Variants in RYR2 observed in about 807,000 individuals in gnomAD.
The protein encoded by RYR2 is ryanodine receptor 2.
Under a neutral mutation model 601.1 loss-of-function variants are expected in RYR2, and 227 were observed. The observed-to-expected ratio is 0.38, with a 90% CI of 0.34 to 0.42. The LOEUF is 0.42. Among genes scored for constraint, RYR2 ranks in the 10% least tolerant of loss-of-function variants. The pLI is 1.00. For missense variants in RYR2, 4,646 were observed against 6,156.5 expected, an observed-to-expected ratio of 0.75 and a Z score of 8.21; for synonymous variants, 2,223 against 2,175.1, an observed-to-expected ratio of 1.02 and a Z score of -0.61.
intron 1 of RYR2, among the ~76,000 whole-genome samples, chr1:237,269,773 G>T (rs561735654): frequency 6.6e-6 from 1 of 152,252 alleles, no homozygotes; most frequent in South Asian, 2.1e-4. Flanking sequence ...TCCAGATCTT[G>T]CTTGTCCTAA....
intron 29 of RYR2, among the ~76,000 whole-genome samples, chr1:237,577,330 A>G (rs1476287899): frequency 1.3e-5 from 2 of 152,200 alleles, no homozygotes; most frequent in Non-Finnish European, 2.9e-5. Flanking sequence ...ATGTTGATTG[A>G]TGGCCTACTC....
chr1:237,780,345 C>T (rs1241964857), intron 88 of RYR2, among the ~76,000 whole-genome samples: 2 of 152,138 alleles, frequency 1.3e-5, no homozygotes, highest in African/African-American at 4.8e-5. Flanking sequence ...TGTAGACCCT[C>T]ACAAGAGAGT....
Position 237,793,907 on chromosome 1 carries a change from G to A in RYR2, c.13823G>A (p.Arg4608Gln), listed in dbSNP as rs1553328170. 6.2e-7 allele frequency: 1 copy of A among 1,611,096 alleles called. No individual in the cohort carries two copies. The highest frequency in any genetic ancestry group is 8.5e-7 in the Non-Finnish European group (1 of 1,177,476). Reference sequence around the variant, plus strand: ...TTTAAGCGAGAAAAGGAAGTGGCACGGAAATTGGAATTTGATGGGCTTTAT... The same window carrying A: ...TTTAAGCGAGAAAAGGAAGTGGCACAGAAATTGGAATTTGATGGGCTTTAT... ...VIFKREKEVA[R>Q]KLEFDGLYIT... Residue 4608 changes from arginine to glutamine, a missense_variant, in exon 95 of 105, where the codon CGG (arginine) becomes CAG (glutamine). Arg to Gln is a conservative substitution (Grantham distance 43). Around this residue, in one of 17 missense-constraint regions of RYR2, gnomAD observed 37 missense variants for 102.8 expected, o/e 0.36. Coordinates refer to ENST00000366574, the MANE Select transcript of RYR2 (RefSeq NM_001035.3).
intron 29 of RYR2, among the ~76,000 whole-genome samples, chr1:237,571,778 G>C (rs1453778356): frequency 1.3e-5 from 2 of 152,112 alleles, no homozygotes; most frequent in African/African-American, 4.8e-5. Flanking sequence ...TTACATTTGT[G>C]TAACTCAATA....
rs1393918985 is a variant in RYR2 at position 237,441,581 on chromosome 1, A to G, written c.1170+98A>G. 4 of 1,171,630 alleles carry G rather than the reference A, an allele frequency of 3.4e-6. No individual in the cohort carries two copies. The Admixed American group carries it at 1.1e-4, about 33-fold the overall frequency. The allele number at this position is 1,171,630 out of a possible 1,614,324, so 72.6% of individuals were successfully genotyped here. On this transcript the variant is annotated intron_variant, in intron 13 of 104. Transcript: ENST00000366574. ...TTGGCTGATCTTTTTAGTCACCTGC[A>G]AAAGTTCATAATTTTGCAAGTGAAA...
At chr1:237,458,197 G>A (rs1412720421) in intron 16 of RYR2, among the ~76,000 whole-genome samples, 3 of 152,134 alleles carry the variant, frequency 2.0e-5, no homozygotes, top group Non-Finnish European at 2.9e-5. Context: ...GGAGGCTGAG[G>A]CAGCCAGATT....
chr1:237,452,684 A>G lies in RYR2; in HGVS notation c.1293-1707A>G, dbSNP rs1036842760. On this transcript the variant is annotated intron_variant, in intron 14 of 104. Coordinates refer to ENST00000366574, the MANE Select transcript of RYR2 (RefSeq NM_001035.3). ...AATAATATAGTTTAATCTTTAAATT[A>G]CAAAATGTAGCCACAAGGTTAATAG... is the stretch of plus-strand genomic sequence containing the variant. Among the ~76,000 whole-genome samples, 6 of 150,906 alleles carry G rather than the reference A, an allele frequency of 4.0e-5. No individual in the cohort carries two copies. The East Asian group carries it at 1.2e-3, about 29-fold the overall frequency.
At chr1:237,602,533 T>A (rs1471896583) in intron 35 of RYR2, among the ~76,000 whole-genome samples, 3 of 152,206 alleles carry the variant, frequency 2.0e-5, no homozygotes, top group Non-Finnish European at 4.4e-5. Flanking sequence ...AGAGGTAACA[T>A]TTAGTTTGAT....
chr1:237,413,556 C>T (rs1704647413), intron 10 of RYR2, among the ~76,000 whole-genome samples: 1 of 152,044 alleles, frequency 6.6e-6, no homozygotes, highest in Non-Finnish European at 1.5e-5. Flanking sequence ...ATGTTTTGAA[C>T]TTAATTTCTG....
chr1:237,135,849 C>T (rs898635776), intron 1 of RYR2, among the ~76,000 whole-genome samples: 1 of 152,118 alleles, frequency 6.6e-6, no homozygotes, highest in Non-Finnish European at 1.5e-5. Flanking sequence ...TTTGAGTGGA[C>T]GATGTGAAGC....
chr1:237,242,010 C>A lies in RYR2; in HGVS notation c.49-28487C>A, dbSNP rs543962151. Among the ~76,000 whole-genome samples, 78 of 152,182 alleles carry A rather than the reference C, an allele frequency of 5.1e-4. 1 individual carries two copies. Among genetic ancestry groups the A allele is most frequent in the African/African-American group, 1.7e-3 (71 of 41,518 alleles). ...CTGTGTCTTGGGAAACTAGTCCTAC[C>A]TCAATAAATAGTTGAAAAGGTGGAT... is the stretch of plus-strand genomic sequence containing the variant. On this transcript the variant is annotated intron_variant, in intron 1 of 104. Transcript: ENST00000366574.
Position 237,330,888 on chromosome 1 carries a change from C to G in RYR2, c.179C>G (p.Pro60Arg). 1 of 1,613,906 alleles carries G rather than the reference C, an allele frequency of 6.2e-7. No homozygotes were observed. Among genetic ancestry groups the G allele is most frequent in the Non-Finnish European group, 8.5e-7 (1 of 1,179,818 alleles). Residue 60 changes from proline (P) to arginine (R), a missense_variant, in exon 3 of 105, where the codon CCA (proline) becomes CGA (arginine). This residue lies in a region of RYR2 where 153 missense variants were observed against 203.6 expected (regional missense o/e 0.75). Transcript: ENST00000366574. ...ESTSNSKNVPPDLSICTFVLE... is the reference protein window; with the variant it reads ...ESTSNSKNVPRDLSICTFVLE... ...CCTCTTTCTGTGCAGAATGTGCCCCCAGACCTCTCCATCTGCACCTTTGTG... is the reference window on the plus strand; with the variant it reads ...CCTCTTTCTGTGCAGAATGTGCCCCGAGACCTCTCCATCTGCACCTTTGTG...
chr1:237,217,139 G>A (rs1002038091), intron 1 of RYR2, among the ~76,000 whole-genome samples: 48 of 152,110 alleles, frequency 3.2e-4, no homozygotes, highest in Admixed American at 7.9e-4. Flanking sequence ...TTTCTGATGG[G>A]GACCTCGACT....
chr1:237,232,018 T>G (rs1685049414), intron 1 of RYR2, among the ~76,000 whole-genome samples: 1 of 152,236 alleles, frequency 6.6e-6, no homozygotes, highest in Non-Finnish European at 1.5e-5. Context: ...GAATTAATTT[T>G]AGGTAGCAAC....
At position 237,445,439 on chromosome 1, in the gene RYR2, A is replaced by G. The variant is rs774593364; in HGVS notation, c.1209A>G (p.Ile403Met). ...MHHEGHMDDGISLSRSQHEES... is the reference protein window; with the variant it reads ...MHHEGHMDDGMSLSRSQHEES... ...ATGAAGGCCACATGGATGATGGCATAAGTTTGTCGAGATCCCAGCATGAAG... is the reference window on the plus strand; with the variant it reads ...ATGAAGGCCACATGGATGATGGCATGAGTTTGTCGAGATCCCAGCATGAAG... Residue 403 changes from isoleucine to methionine, a missense_variant, in exon 14 of 105, where the codon ATA becomes ATG. This residue lies in a region of RYR2 where 1,807 missense variants were observed against 2,088.1 expected (regional missense o/e 0.87). Transcript: ENST00000366574. The G allele has an allele frequency of 6.2e-7, 1 of 1,613,686 alleles. No individual in the cohort carries two copies. The highest frequency in any genetic ancestry group is 8.5e-7 in the Non-Finnish European group (1 of 1,179,698).
intron 1 of RYR2, among the ~76,000 whole-genome samples, chr1:237,250,432 C>T (rs549705924): frequency 3.0e-4 from 45 of 152,256 alleles, no homozygotes; most frequent in African/African-American, 1.1e-3. Flanking sequence ...TATGGTAATA[C>T]CATGCATTTC....
chr1:237,231,418 C>T (rs946399073), intron 1 of RYR2, among the ~76,000 whole-genome samples: 1 of 151,732 alleles, frequency 6.6e-6, no homozygotes, highest in Non-Finnish European at 1.5e-5. Context: ...GCCTCTGCCT[C>T]CCAAATAGCT....
chr1:237,325,359 A>G lies in RYR2; in HGVS notation c.169-5519A>G, dbSNP rs1328956015. Reference sequence around the variant, plus strand: ...ACATGCCATGAATGTTTCTACTGCTATGAATACATAGCATATGTATACATG... The same window carrying G: ...ACATGCCATGAATGTTTCTACTGCTGTGAATACATAGCATATGTATACATG... On this transcript the variant is annotated intron_variant, in intron 2 of 104. Transcript: ENST00000366574. 3.3e-5 allele frequency among the ~76,000 whole-genome samples: 5 copies of G among 152,238 alleles called. No individual in the cohort carries two copies. The South Asian group carries it at 6.2e-4, about 19-fold the overall frequency.
At chr1:237,412,386 A>T (rs943475367) in intron 10 of RYR2, among the ~76,000 whole-genome samples, 2 of 152,166 alleles carry the variant, frequency 1.3e-5, no homozygotes, top group Non-Finnish European at 2.9e-5. Context: ...TGTGTTATGT[A>T]GGCATAACTT....
Sources: gnomAD v4.1 joint callset for allele counts (sites outside exome capture counted in the v4.1 genomes callset) on GRCh38, gnomAD v4.1.1 for gene constraint, gnomAD v4.1.1 regional missense constraint, MANE v1.5 for transcripts, NCBI Gene and HGNC (gene_info 2026-07-23, HGNC 2026-07-21) for gene names.